Variants in TRIM5 observed in about 807,000 individuals in gnomAD.
TRIM5 encodes tripartite motif-containing protein 5.
A neutral mutation model predicts 35.6 loss-of-function variants in TRIM5; 31 were observed. The observed-to-expected ratio is 0.87, with a 90% CI of 0.65 to 1.18. The LOEUF (loss-of-function observed/expected upper bound fraction) is 1.18, where lower values mean the gene tolerates loss of function less well. TRIM5 is among the 50% of genes most tolerant of loss of function. The pLI is 0.00. For missense variants in TRIM5, 609 were observed against 591.6 expected, an observed-to-expected ratio of 1.03 and a Z score of -0.31; for synonymous variants, 243 against 215.6, an observed-to-expected ratio of 1.13 and a Z score of -1.11.
chr11:5,604,177 C>T, the TRIM5 span, among the ~76,000 whole-genome samples: 23 of 131,372 alleles, frequency 1.8e-4, no homozygotes, highest in African/African-American at 5.1e-4. Flanking sequence ...TGTGTGTGTG[C>T]GTGTGTGTGT....
chr11:5,666,562 C>A (rs1213763832), intron 5 of TRIM5, among the ~76,000 whole-genome samples: 1 of 152,142 alleles, frequency 6.6e-6, no homozygotes, highest in Admixed American at 6.5e-5. Context: ...GAGAGGAATC[C>A]TGTTTGGAGA....
chr11:5,618,974 A>T, the TRIM5 span, among the ~76,000 whole-genome samples: 1 of 152,150 alleles, frequency 6.6e-6, no homozygotes, highest in Admixed American at 6.5e-5. Flanking sequence ...GCTTCATGTC[A>T]TTGGGTAAAA....
intron 5 of TRIM5, among the ~76,000 whole-genome samples, chr11:5,666,472 C>T (rs1036393766): frequency 6.6e-6 from 1 of 152,046 alleles, no homozygotes; most frequent in African/African-American, 2.4e-5. Context: ...AACATCATCG[C>T]TATGTATGTT....
intron 4 of TRIM5, among the ~76,000 whole-genome samples, chr11:5,674,513 T>C (rs10838517): frequency 0.82 from 124,059 of 152,194 alleles, 50,831 homozygotes; most frequent in Non-Finnish European, 0.86. Context: ...GAGCACCAAA[T>C]GTTACCTCAG....
intron 1 of TRIM5, among the ~76,000 whole-genome samples, chr11:5,683,138 C>G (rs145511662): frequency 1.3e-5 from 2 of 152,216 alleles, no homozygotes; most frequent in Non-Finnish European, 2.9e-5. Flanking sequence ...GCTGCCTCCC[C>G]GCGGGGCAGA....
chr11:5,659,736 G>C (rs1286798979), downstream of TRIM5, among the ~76,000 whole-genome samples: 1 of 149,994 alleles, frequency 6.7e-6, no homozygotes, highest in Non-Finnish European at 1.5e-5. Context: ...TCTGGATTCT[G>C]TATAATTCTC....
chr11:5,615,950 T>TTTTTA, the TRIM5 span, among the ~76,000 whole-genome samples: 1 of 143,834 alleles, frequency 7.0e-6, no homozygotes, highest in African/African-American at 2.6e-5. Flanking sequence ...TTTTTTTTTT[T>TTTTTA]GAGACGGAGT....
the TRIM5 span, chr11:5,610,375 G>A: frequency 1.3e-6 from 2 of 1,564,178 alleles, no homozygotes; most frequent in East Asian, 2.2e-5. Context: ...GGGACATAGT[G>A]TGCTGAAGAA....
chr11:5,648,126 A>T, the TRIM5 span, among the ~76,000 whole-genome samples: 1 of 152,178 alleles, frequency 6.6e-6, no homozygotes, highest in Non-Finnish European at 1.5e-5. Flanking sequence ...CTCACAACAC[A>T]AAAGGACAAT....
chr11:5,623,011 C>G, the TRIM5 span, among the ~76,000 whole-genome samples: 2 of 150,654 alleles, frequency 1.3e-5, no homozygotes, highest in African/African-American at 4.9e-5. Flanking sequence ...AGATAAAAGA[C>G]AAACAGGTTG....
In TRIM5 at chr11:5,664,207, A is replaced by AT. The variant is rs1284149832; in HGVS notation, c.*601_*602insA. ...CAAGAGCAAAACTTCATCTCAAAAA[A>AT]AAAAAAAAAGAAAAAAGAAAAGAAA... On this transcript the variant is annotated 3_prime_UTR_variant, in exon 8 of 8. Coordinates refer to ENST00000380034, the MANE Select transcript of TRIM5 (RefSeq NM_033034.3). 3 of 972,892 alleles carry AT rather than the reference A, an allele frequency of 3.1e-6. No individual in the cohort carries two copies. In the African/African-American group the frequency reaches 5.3e-5, roughly 17 times the overall value. The allele number at this position is 972,892 out of a possible 1,614,324, so 60.3% of individuals were successfully genotyped here. A position where few individuals can be genotyped will look rare whatever the true frequency, so the allele number is the denominator to read the frequency against.
At chr11:5,677,263 A>G (rs1352229767) in intron 4 of TRIM5, among the ~76,000 whole-genome samples, 3 of 152,152 alleles carry the variant, frequency 2.0e-5, no homozygotes, top group African/African-American at 7.2e-5. Context: ...ACAAGAAAAA[A>G]ACAAACAACC....
At chr11:5,605,673 A>C in the TRIM5 span, 1 of 1,359,430 alleles carries the variant, frequency 7.4e-7, no homozygotes, top group Non-Finnish European at 9.8e-7. Flanking sequence ...ACAAGAGAAA[A>C]CATTCCTTTG....
chr11:5,644,348 C>T, the TRIM5 span: 5 of 397,868 alleles, frequency 1.3e-5, no homozygotes, highest in African/African-American at 6.2e-5. Context: ...TGTAATGCAT[C>T]GATTTAGTGT....
chr11:5,680,608 G>C (rs1299694440), intron 1 of TRIM5, among the ~76,000 whole-genome samples: 1 of 152,148 alleles, frequency 6.6e-6, no homozygotes, highest in East Asian at 1.9e-4. Flanking sequence ...TCACCAAACA[G>C]CTTATGCCTC....
the TRIM5 span, among the ~76,000 whole-genome samples, chr11:5,646,150 C>G: frequency 6.6e-6 from 1 of 150,946 alleles, no homozygotes; most frequent in Non-Finnish European, 1.5e-5. Context: ...CCCAAATACA[C>G]CAACCACCCT....
At chr11:5,611,834 T>C in the TRIM5 span, 1 of 154,144 alleles carries the variant, frequency 6.5e-6, no homozygotes, top group Admixed American at 6.4e-5. Flanking sequence ...TGACAGGTCT[T>C]GAGGTGGATA....
chr11:5,626,309 A>G, the TRIM5 span, among the ~76,000 whole-genome samples: 1 of 152,246 alleles, frequency 6.6e-6, no homozygotes, highest in Admixed American at 6.5e-5. Context: ...ATCATAGACC[A>G]TATCGATGAA....
chr11:5,628,707 T>C, the TRIM5 span, among the ~76,000 whole-genome samples: 4 of 152,338 alleles, frequency 2.6e-5, no homozygotes, highest in Admixed American at 2.6e-4. Context: ...CCTAGCACTG[T>C]TGTAACCAAT....
Sources: allele counts gnomAD v4.1 joint callset (sites outside exome capture counted in the v4.1 genomes callset), GRCh38; gene constraint gnomAD v4.1.1; transcripts MANE v1.5; gene names NCBI Gene and HGNC (gene_info 2026-07-23, HGNC 2026-07-21).